Variants in TENM3 observed in about 807,000 individuals in gnomAD.
TENM3 encodes the protein teneurin-3.
In TENM3, 63 loss-of-function variants were observed where a neutral mutation model predicts 255.1. That is an observed-to-expected ratio of 0.25 (90% CI 0.20 to 0.30). The LOEUF is 0.30. TENM3 is among the 10% of genes least tolerant of loss of function. The probability of loss-of-function intolerance (pLI) is 1.00; values close to 1 mark genes in which losing one functional copy is unlikely to be tolerated. For synonymous variants in TENM3, 1,306 were observed against 1,322.3 expected (o/e 0.99, Z 0.27); for missense variants, 2,929 against 3,461.1 (o/e 0.85, Z 3.86).
intron 3 of TENM3, among the ~76,000 whole-genome samples, chr4:182,596,759 G>A (rs993299652): frequency 2.0e-5 from 3 of 152,142 alleles, no homozygotes; most frequent in Non-Finnish European, 4.4e-5. Context: ...TTTCAAGTTT[G>A]ATAGGCACTA....
chr4:181,811,192 A>C, the TENM3 span, among the ~76,000 whole-genome samples: 1 of 152,218 alleles, frequency 6.6e-6, no homozygotes, highest in Non-Finnish European at 1.5e-5. Flanking sequence ...GAAAATTGAA[A>C]GGATCACTTG....
At chr4:181,703,988 G>A in the TENM3 span, among the ~76,000 whole-genome samples, 1 of 152,134 alleles carries the variant, frequency 6.6e-6, no homozygotes, top group Non-Finnish European at 1.5e-5. Context: ...GGAACGGAAT[G>A]ACACATAGAC....
intron 1 of TENM3, among the ~76,000 whole-genome samples, chr4:182,164,950 T>C (rs901420013): frequency 6.6e-6 from 1 of 152,210 alleles, no homozygotes; most frequent in Non-Finnish European, 1.5e-5. Context: ...CTCTACTCTT[T>C]GTGTCTTCAG....
At chr4:181,589,187 A>T in the TENM3 span, among the ~76,000 whole-genome samples, 1 of 152,202 alleles carries the variant, frequency 6.6e-6, no homozygotes, top group East Asian at 1.9e-4. Context: ...GACTGGACAA[A>T]ATAAATTTGA....
intron 20 of TENM3, 24 bp from the exon 21 acceptor site, chr4:182,753,426 A>C: frequency 6.3e-7 from 1 of 1,599,254 alleles, no homozygotes; most frequent in South Asian, 1.1e-5. Context: ...AAAAATTAGT[A>C]ATACTTGCTT....
chr4:182,361,137 C>A (rs972374870), intron 3 of TENM3, among the ~76,000 whole-genome samples: 1 of 152,174 alleles, frequency 6.6e-6, no homozygotes, highest in Admixed American at 6.5e-5. Context: ...CGACCTTTCT[C>A]TCTGGCTGCC....
chr4:181,773,080 A>T, the TENM3 span, among the ~76,000 whole-genome samples: 39 of 152,302 alleles, frequency 2.6e-4, no homozygotes, highest in African/African-American at 9.1e-4. Flanking sequence ...CACAGAAAAC[A>T]TCTGCTCACC....
intron 12 of TENM3, among the ~76,000 whole-genome samples, chr4:182,693,271 ATT>A (rs1367766496): frequency 2.0e-5 from 3 of 152,164 alleles, no homozygotes; most frequent in African/African-American, 7.2e-5. Context: ...GGGCTTTGAC[ATT>A]TTAAATAAAA....
chr4:181,479,148 C>T, the TENM3 span, among the ~76,000 whole-genome samples: 818 of 152,168 alleles, frequency 5.4e-3, 8 homozygotes, highest in African/African-American at 0.019. Context: ...AAAATATTCC[C>T]AATTTTAGCA....
the TENM3 span, chr4:181,522,571 G>A: frequency 9.9e-6 from 4 of 404,202 alleles, no homozygotes; most frequent in Admixed American, 3.7e-5. Context: ...ATATTAAAAA[G>A]CCAGTAAATT....
chr4:182,753,879 A>G (rs1166842179), intron 21 of TENM3, among the ~76,000 whole-genome samples: 1 of 152,236 alleles, frequency 6.6e-6, no homozygotes, highest in Non-Finnish European at 1.5e-5. Flanking sequence ...GCATGCAGGT[A>G]TTCTAAAAAG....
At chr4:182,619,729 TTTTGGGC>T (rs1749921103) in intron 4 of TENM3, among the ~76,000 whole-genome samples, 2 of 152,200 alleles carry the variant, frequency 1.3e-5, no homozygotes, top group African/African-American at 4.8e-5. Context: ...ACCAGCTGTC[TTTTGGGC>T]TTTGAAATTG....
chr4:182,666,228 A>G (rs944771794), intron 6 of TENM3, among the ~76,000 whole-genome samples: 4 of 152,234 alleles, frequency 2.6e-5, no homozygotes, highest in African/African-American at 7.2e-5. Context: ...TGAAGAAGCT[A>G]TGAACATTGT....
In TENM3 at chr4:182,272,566, G is replaced by C. The variant is rs561726047; in HGVS notation, c.-76+29090G>C. ...AAACTTTGTCAAGCTTAGGCCACTG[G>C]TTTCCCGCAGAGGCAAGCTGTTGAA... On this transcript the variant is annotated intron_variant, in intron 1 of 27. Transcript: ENST00000511685. Among the ~76,000 whole-genome samples the C allele has an allele frequency of 2.6e-5, 4 of 152,248 alleles. No homozygotes were observed. In the South Asian group the frequency reaches 8.3e-4, roughly 32 times the overall value.
In TENM3 at chr4:182,729,219, G is replaced by T. The variant is rs747536559; in HGVS notation, c.2585+38G>T. ...TTTCCATATGTAGATTTGTAATGAT[G>T]TTATCAACAGTTACATACACTTATG... On this transcript the variant is annotated intron_variant, in intron 14 of 27. Coordinates refer to ENST00000511685, the MANE Select transcript of TENM3 (RefSeq NM_001080477.4). 3 of 1,510,864 alleles carry T rather than the reference G, an allele frequency of 2.0e-6. No individual in the cohort carries two copies. In the South Asian group the frequency reaches 3.4e-5, roughly 17 times the overall value. 93.6% of individuals were successfully genotyped at this position (1,510,864 alleles called of 1,614,324 possible). A position where few individuals can be genotyped will look rare whatever the true frequency, so the allele number is the denominator to read the frequency against.
the TENM3 span, among the ~76,000 whole-genome samples, chr4:181,570,035 CTTTT>C: frequency 8.8e-6 from 1 of 113,870 alleles, no homozygotes; most frequent in Non-Finnish European, 1.8e-5. Context: ...ACAAATGTTT[CTTTT>C]TTTTTTTTTT....
At chr4:182,711,668 G>C (rs1336904731) in intron 12 of TENM3, 14 of 654,556 alleles carry the variant, frequency 2.1e-5, no homozygotes, top group Non-Finnish European at 5.7e-6. Flanking sequence ...ATATCACTAG[G>C]TTTGACAATA....
At chr4:182,356,839 G>C (rs1162593594) in intron 3 of TENM3, among the ~76,000 whole-genome samples, 4 of 150,816 alleles carry the variant, frequency 2.7e-5, no homozygotes, top group Non-Finnish European at 5.9e-5. Flanking sequence ...CTAGCATTAG[G>C]TATATCTCCC....
chr4:182,056,640 G>T, the TENM3 span, among the ~76,000 whole-genome samples: 1 of 152,112 alleles, frequency 6.6e-6, no homozygotes, highest in Non-Finnish European at 1.5e-5. Context: ...AAATTATCTT[G>T]GCTGAAGCTA....
Sources: allele counts gnomAD v4.1 joint callset (sites outside exome capture counted in the v4.1 genomes callset), GRCh38; gene constraint gnomAD v4.1.1; transcripts MANE v1.5; gene names NCBI Gene and HGNC (gene_info 2026-07-23, HGNC 2026-07-21).